Variants in DNAH2 observed in about 807,000 individuals in gnomAD.
DNAH2 encodes the protein dynein axonemal heavy chain 2.
A neutral mutation model predicts 523.5 loss-of-function variants in DNAH2; 323 were observed. The ratio of observed to expected loss-of-function variants is 0.62; its 90% CI spans 0.56 to 0.68. The LOEUF (loss-of-function observed/expected upper bound fraction) is 0.68. Among genes scored for constraint, DNAH2 ranks in the 30% least tolerant of loss-of-function variants. The pLI is 0.00. For missense variants in DNAH2, 4,907 were observed against 5,701.5 expected, an observed-to-expected ratio of 0.86 and a Z score of 4.49; for synonymous variants, 2,093 against 2,177.4, an observed-to-expected ratio of 0.96 and a Z score of 1.08.
At chr17:7,818,585 G>A (rs2077753166) in intron 69 of DNAH2, 58 bp from the exon 70 acceptor site, 1 of 1,607,084 alleles carries the variant, frequency 6.2e-7, no homozygotes. Flanking sequence ...GGAAAGAGAT[G>A]AGGAAGGTGA....
rs151267734 is a variant in DNAH2, at chr17:7,804,061, A to C, written c.8973-195A>C. Among the ~76,000 whole-genome samples the C allele has an allele frequency of 6.7e-3, 1,015 of 152,286 alleles. 8 individuals are homozygous for C. Among genetic ancestry groups the C allele is most frequent in the Middle Eastern group, 0.037 (11 of 294 alleles). ...ACCAGAGGAATGAGAGCCTGAAATC[A>C]AGAAGAGCCCTTGGGAAGCTGTTGG... On this transcript the variant is annotated intron_variant, in intron 58 of 85. Transcript: ENST00000572933.
In DNAH2 at chr17:7,740,839, G is replaced by A. The variant is rs764741446; in HGVS notation, c.1536G>A (p.Ala512=). The A allele has an allele frequency of 1.7e-5, 28 of 1,610,950 alleles. No homozygotes were observed. In the East Asian group the frequency reaches 5.4e-4, roughly 31 times the overall value. ...EAIKRTYDKK[A]VDLYMLFNSE... ...TCAAGCGGACTTATGACAAGAAGGC[G>A]GTGGATCTCTACATGCTGTTCAATA... Residue 512 remains alanine, a synonymous_variant, in exon 11 of 86, where the codon GCG becomes GCA. Transcript: ENST00000572933.
In DNAH2 at chr17:7,805,088, G is replaced by A. The variant is rs755321260; in HGVS notation, c.9300+14G>A. On this transcript the variant is annotated intron_variant, in intron 60 of 85. Coordinates refer to ENST00000572933, the MANE Select transcript of DNAH2 (RefSeq NM_020877.5). Reference sequence around the variant, plus strand: ...GAGGCCATGCGGGTACCAGGGGCGGGTGCAAGGATGGGAGCCAGGAACGCG... The same window carrying A: ...GAGGCCATGCGGGTACCAGGGGCGGATGCAAGGATGGGAGCCAGGAACGCG... 8 of 1,610,948 alleles carry A rather than the reference G, an allele frequency of 5.0e-6. No individual in the cohort carries two copies. The Admixed American group carries it at 1.3e-4, about 27-fold the overall frequency.
intron 30 of DNAH2, 82 bp from the exon 31 acceptor site, chr17:7,775,942 T>C: frequency 1.3e-6 from 2 of 1,568,350 alleles, no homozygotes; most frequent in East Asian, 2.3e-5. Context: ...CCTGAAGTGC[T>C]GCTCCATAAG....
intron 12 of DNAH2, chr17:7,743,386 C>T: frequency 1.4e-6 from 1 of 704,404 alleles, no homozygotes; most frequent in East Asian, 2.7e-5. Context: ...CAATGATCGG[C>T]CAGGCACGGT....
intron 79 of DNAH2, 51 bp downstream of exon 79, chr17:7,830,893 G>A (rs367811420): frequency 1.6e-5 from 26 of 1,608,566 alleles, no homozygotes; most frequent in Non-Finnish European, 2.2e-5. Context: ...AAGTCAGCCA[G>A]GTGGTGGGAT....
At chr17:7,758,375 T>C in intron 13 of DNAH2, 120 bp from the exon 14 acceptor site, 1 of 1,279,194 alleles carries the variant, frequency 7.8e-7, no homozygotes, top group Non-Finnish European at 1.1e-6. Context: ...TAGTCTAGAA[T>C]CTAGTCTAGA....
chr17:7,732,099 A>G (rs1024275574), intron 4 of DNAH2, among the ~76,000 whole-genome samples: 2 of 151,412 alleles, frequency 1.3e-5, no homozygotes, highest in African/African-American at 4.9e-5. Context: ...AAGACAGATG[A>G]TTATTAATTT....
chr17:7,780,229 ACT>A lies in DNAH2; in HGVS notation c.5797_5798del (p.Ser1933HisfsTer41). ...CGCCCAATTGCCATGGTGGTGCCTG[ACT>A]CCACCCTCATTGCAGAAATCATTCT... On this transcript the variant is annotated frameshift_variant, in exon 37 of 86. Coordinates refer to ENST00000572933, the MANE Select transcript of DNAH2 (RefSeq NM_020877.5). LOFTEE classifies it high-confidence loss of function. The surrounding 1 kb of genome is among the most constrained non-coding windows in gnomAD (Gnocchi z 4.4). 1 of 1,614,048 alleles carries A rather than the reference ACT, an allele frequency of 6.2e-7. No homozygotes were observed. Among genetic ancestry groups the A allele is most frequent in the Middle Eastern group, 1.6e-4 (1 of 6,062 alleles).
intron 63 of DNAH2, among the ~76,000 whole-genome samples, chr17:7,810,413 G>T (rs571998087): frequency 6.6e-6 from 1 of 151,950 alleles, no homozygotes; most frequent in Non-Finnish European, 1.5e-5. Context: ...TTTTGAGAGA[G>T]AGTCTCGCTC....
intron 49 of DNAH2, 151 bp from the exon 50 acceptor site, chr17:7,796,313 T>C (rs575399602): frequency 1.3e-6 from 1 of 773,666 alleles, no homozygotes; most frequent in African/African-American, 1.8e-5. Context: ...CCTCCCAAAG[T>C]ACTGGGATTA....
In DNAH2 at chr17:7,830,211, G is replaced by A. The variant is rs568880966; in HGVS notation, c.11854-89G>A. On this transcript the variant is annotated intron_variant, in intron 77 of 85. Coordinates refer to ENST00000572933, the MANE Select transcript of DNAH2 (RefSeq NM_020877.5). ...CTTTCAGCCAGTGCCTTTGTGCAATGAAGAACCTCCACAACTGTACATGGC... is the reference window on the plus strand; with the variant it reads ...CTTTCAGCCAGTGCCTTTGTGCAATAAAGAACCTCCACAACTGTACATGGC... 1.4e-5 allele frequency: 20 copies of A among 1,411,738 alleles called. No homozygotes were observed. The East Asian group carries it at 3.9e-4, about 28-fold the overall frequency. The allele number at this position is 1,411,738 out of a possible 1,614,324, so 87.5% of individuals were successfully genotyped here.
At chr17:7,801,782 C>A in intron 57 of DNAH2, 72 bp downstream of exon 57, 2 of 1,608,800 alleles carry the variant, frequency 1.2e-6, no homozygotes, top group Non-Finnish European at 1.7e-6. Context: ...TCTCATCGCA[C>A]CCCCGGCCTC....
intron 4 of DNAH2, 69 bp downstream of exon 4, chr17:7,727,361 A>G: frequency 6.4e-7 from 1 of 1,552,200 alleles, no homozygotes; most frequent in South Asian, 1.2e-5. Flanking sequence ...TTCCTTCATC[A>G]TCCTTAAGTC....
In DNAH2 at chr17:7,759,940, T is replaced by C. The variant is rs1456644910; in HGVS notation, c.2785+2T>C. 1.2e-6 allele frequency: 2 copies of C among 1,614,058 alleles called. No individual in the cohort carries two copies. The highest frequency in any genetic ancestry group is 1.7e-6 in the Non-Finnish European group (2 of 1,179,998). On this transcript the variant is annotated splice_donor_variant, in intron 17 of 85. Transcript: ENST00000572933. LOFTEE classifies it high-confidence loss of function. ...GTGAACCCATCCAAACAGTTGTGGG[T>C]GAGTGGGCAACGGGGAGGGCACAAG...
chr17:7,810,415 G>T (rs1239303300), intron 63 of DNAH2, among the ~76,000 whole-genome samples: 1 of 151,928 alleles, frequency 6.6e-6, no homozygotes, highest in Non-Finnish European at 1.5e-5. Context: ...TTGAGAGAGA[G>T]TCTCGCTCTA....
chr17:7,785,256 C>G (rs1166013511), intron 39 of DNAH2, among the ~76,000 whole-genome samples: 1 of 152,114 alleles, frequency 6.6e-6, no homozygotes, highest in Non-Finnish European at 1.5e-5. Context: ...CACACGCCAC[C>G]ACACCCGGCT....
rs779137961 is a variant in DNAH2, at chr17:7,816,552, A to G, written c.9730-19A>G. Reference sequence around the variant, plus strand: ...CTGCGAGCCCTGTGTTTGATGCGCTATACTCGAATCTCTCCCAGGTAGCTG... The same window carrying G: ...CTGCGAGCCCTGTGTTTGATGCGCTGTACTCGAATCTCTCCCAGGTAGCTG... On this transcript the variant is annotated intron_variant, in intron 63 of 85. Transcript: ENST00000572933. 1.9e-6 allele frequency: 3 copies of G among 1,614,104 alleles called. No homozygotes were observed. Among genetic ancestry groups the G allele is most frequent in the South Asian group, 2.2e-5 (2 of 91,086 alleles).
chr17:7,757,754 G>T (rs1032601117), intron 13 of DNAH2, among the ~76,000 whole-genome samples: 8 of 152,170 alleles, frequency 5.3e-5, no homozygotes, highest in Non-Finnish European at 2.9e-5. Context: ...AGTTCTGGGG[G>T]CTGGTGAGTC....
Sources: gnomAD v4.1 joint callset for allele counts (sites outside exome capture counted in the v4.1 genomes callset) on GRCh38, gnomAD v4.1.1 for gene constraint, Gnocchi (gnomAD v3.1) non-coding constraint, MANE v1.5 for transcripts, NCBI Gene and HGNC (gene_info 2026-07-23, HGNC 2026-07-21) for gene names.